NBPF11: variants seen among roughly 807,000 people sequenced by gnomAD.
NBPF11 encodes NBPF family member NBPF11.
NBPF11 carries 72 observed loss-of-function variants against 93.9 expected under a neutral mutation model. That is an observed-to-expected ratio of 0.77 (90% CI 0.63 to 0.93). NBPF11 has a LOEUF of 0.93. NBPF11 is among the 40% of genes least tolerant of loss of function. The probability of loss-of-function intolerance (pLI) is 0.00; values close to 1 mark genes in which losing one functional copy is unlikely to be tolerated. For synonymous variants in NBPF11, 224 were observed against 304.9 expected, an observed-to-expected ratio of 0.73 and a Z score of 2.76; for missense variants, 705 against 802.2, an observed-to-expected ratio of 0.88 and a Z score of 1.46.
Position 148,122,152 on chromosome 1 carries a change from G to C in NBPF11, c.681C>G (p.Ile227Met). The C allele has an allele frequency of 6.2e-7, 1 of 1,613,190 alleles. No individual in the cohort carries two copies. Among genetic ancestry groups the C allele is most frequent in the Non-Finnish European group, 8.5e-7 (1 of 1,179,526 alleles). ...PCDSIQPHKN[I>M]KITFEEDKVN... The stretch of plus-strand genomic sequence containing the variant: ...CTTTGTCTTCCTCAAATGTGATTTT[G>C]ATGTTCTTGTGAGGCTGGATGGAGT... Residue 227 changes from isoleucine (I) to methionine (M), a missense_variant, in exon 9 of 24, where the codon ATC becomes ATG. Coordinates refer to ENST00000682118, the MANE Select transcript of NBPF11 (RefSeq NM_001385469.3).
At chr1:148,138,782 T>C (rs1671743981) in intron 2 of NBPF11, among the ~76,000 whole-genome samples, 1 of 151,920 alleles carries the variant, frequency 6.6e-6, no homozygotes, top group Non-Finnish European at 1.5e-5. Context: ...AGTAACAATC[T>C]GATCTCTCTT....
chr1:148,108,748 G>C, intron 17 of NBPF11, 94 bp from the exon 18 acceptor site: 4 of 777,762 alleles, frequency 5.1e-6, no homozygotes, highest in Non-Finnish European at 9.1e-6. Context: ...GGAAGAGTTT[G>C]AAAAGAAAAA....
At chr1:148,109,143 A>G (rs1218439348) in intron 17 of NBPF11, 141 bp downstream of exon 17, 4 of 769,640 alleles carry the variant, frequency 5.2e-6, no homozygotes, top group African/African-American at 3.4e-5. Context: ...CTCTAATGAG[A>G]ACCAAAAAAC....
intron 21 of NBPF11, 124 bp from the exon 22 acceptor site, chr1:148,105,652 G>C: frequency 4.6e-6 from 3 of 646,684 alleles, no homozygotes; most frequent in Non-Finnish European, 8.2e-6. Flanking sequence ...CTATTAATGA[G>C]GTAACAAATT....
In NBPF11 at chr1:148,121,327, G is replaced by C. The variant is rs1185422377; in HGVS notation, c.779-617C>G. On this transcript the variant is annotated intron_variant, in intron 9 of 23. Coordinates refer to ENST00000682118, the MANE Select transcript of NBPF11 (RefSeq NM_001385469.3). ...TCAAAGTGCTGGGATTAAGATGTGAGCCAGCGTCCCTGGTCAGAGACTTTT... is the reference window on the plus strand; with the variant it reads ...TCAAAGTGCTGGGATTAAGATGTGACCCAGCGTCCCTGGTCAGAGACTTTT... 1.1e-3 allele frequency among the ~76,000 whole-genome samples: 160 copies of C among 150,696 alleles called. 5 individuals carry two copies. The highest frequency in any genetic ancestry group is 3.8e-3 in the African/African-American group (156 of 40,718).
chr1:148,137,249 G>A lies in NBPF11; in HGVS notation c.-178+462C>T, dbSNP rs1453302134. The stretch of plus-strand genomic sequence containing the variant: ...ATGAAGTCAGAGAAGGTGGGAGCTT[G>A]AGAAGGACTCCATAAGTTGTTATTG... On this transcript the variant is annotated intron_variant, in intron 3 of 23. Transcript: ENST00000682118. Among the ~76,000 whole-genome samples, 3 of 151,830 alleles carry A rather than the reference G, an allele frequency of 2.0e-5. No homozygotes were observed. The East Asian group carries it at 5.8e-4, about 29-fold the overall frequency.
chr1:148,115,672 T>A, intron 14 of NBPF11, 121 bp downstream of exon 14: 1 of 1,225,886 alleles, frequency 8.2e-7, no homozygotes, highest in South Asian at 1.4e-5. Context: ...CTCCCTGATA[T>A]CTGTTTAGAA....
chr1:148,141,259 G>C (rs1672118361), intron 2 of NBPF11, among the ~76,000 whole-genome samples: 1 of 152,006 alleles, frequency 6.6e-6, no homozygotes, highest in South Asian at 2.1e-4. Flanking sequence ...CCCATAATCT[G>C]TGAAACTCAA....
At chr1:148,146,516 C>T in intron 1 of NBPF11, 4 of 1,603,446 alleles carry the variant, frequency 2.5e-6, no homozygotes, top group Non-Finnish European at 3.4e-6. Context: ...GTGCCTGAGC[C>T]CGAGCTGGGG....
intron 1 of NBPF11, among the ~76,000 whole-genome samples, chr1:148,144,510 T>C (rs1672683620): frequency 6.6e-6 from 1 of 151,854 alleles, no homozygotes; most frequent in Non-Finnish European, 1.5e-5. Context: ...GTACTGAGAA[T>C]ACAGTGGTGA....
intron 22 of NBPF11, 152 bp from the exon 23 acceptor site, chr1:148,104,797 T>G: frequency 1.8e-6 from 1 of 559,112 alleles, no homozygotes; most frequent in Non-Finnish European, 3.1e-6. Context: ...TGAAGGCTGG[T>G]CGTGATAGAA....
At chr1:148,126,540 A>T (rs1355376577) in intron 5 of NBPF11, among the ~76,000 whole-genome samples, 1 of 152,016 alleles carries the variant, frequency 6.6e-6, no homozygotes, top group Non-Finnish European at 1.5e-5. Flanking sequence ...TATATGGTAC[A>T]GAGAGGATTC....
intron 4 of NBPF11, among the ~76,000 whole-genome samples, chr1:148,127,804 G>A (rs1405851291): frequency 7.1e-5 from 9 of 125,928 alleles, no homozygotes; most frequent in African/African-American, 1.5e-4. Flanking sequence ...CACCACGCCC[G>A]GCTAATTTTT....
At position 148,140,757 on chromosome 1, in the gene NBPF11, C is replaced by T. The variant is rs1422805714; in HGVS notation, c.-277+2658G>A. 4.0e-5 allele frequency among the ~76,000 whole-genome samples: 6 copies of T among 151,864 alleles called. 1 individual carries two copies. Among genetic ancestry groups the T allele is most frequent in the Non-Finnish European group, 8.8e-5 (6 of 68,006 alleles). On this transcript the variant is annotated intron_variant, in intron 2 of 23. Coordinates refer to ENST00000682118, the MANE Select transcript of NBPF11 (RefSeq NM_001385469.3). ...CACAAAACGGTGAACACACCAAATG[C>T]TGTCAAAGATCAGGAACAACCAGAA...
Position 148,122,238 on chromosome 1 carries a change from C to G in NBPF11, c.595G>C (p.Val199Leu). ...REVQKAEESK[V>L]PEDSLEECAI... ...CATTCCTCCAGTGAGTCCTCAGGGACTTTGCTCTCTTCAGCCTTCTGCACC... is the reference window on the plus strand; with the variant it reads ...CATTCCTCCAGTGAGTCCTCAGGGAGTTTGCTCTCTTCAGCCTTCTGCACC... The change falls in exon 9 of 24, where the codon GTC becomes CTC. Residue 199 changes from valine to leucine, a missense_variant. Val to Leu is a conservative substitution (Grantham distance 32). Around this residue, in one of 12 missense-constraint regions of NBPF11, gnomAD observed 262 missense variants for 223.1 expected, o/e 1.17. Transcript: ENST00000682118. 1 of 1,611,800 alleles carries G rather than the reference C, an allele frequency of 6.2e-7. No individual in the cohort carries two copies. Among genetic ancestry groups the G allele is most frequent in the Non-Finnish European group, 8.5e-7 (1 of 1,179,662 alleles).
chr1:148,118,386 A>C (rs1206348299), intron 11 of NBPF11, among the ~76,000 whole-genome samples: 10 of 151,672 alleles, frequency 6.6e-5, no homozygotes, highest in Admixed American at 2.0e-4. Context: ...TAAATTTCAC[A>C]TCAACAATTA....
At chr1:148,137,028 G>A (rs1371932217) in intron 3 of NBPF11, among the ~76,000 whole-genome samples, 15 of 151,994 alleles carry the variant, frequency 9.9e-5, no homozygotes, top group African/African-American at 3.6e-4. Context: ...TACTGTGGTA[G>A]ATGGAATTTC....
intron 6 of NBPF11, among the ~76,000 whole-genome samples, chr1:148,124,336 G>C (rs1347878784): frequency 6.6e-6 from 1 of 151,252 alleles, no homozygotes; most frequent in African/African-American, 2.4e-5. Flanking sequence ...TCCTAATTCC[G>C]TTTCAAAAAG....
rs1260785071 is a variant in NBPF11 at position 148,121,287 on chromosome 1, G to A, written c.779-577C>T. Among the ~76,000 whole-genome samples, 233 of 151,112 alleles carry A rather than the reference G, an allele frequency of 1.5e-3. 2 individuals carry two copies. The highest frequency in any genetic ancestry group is 5.2e-3 in the African/African-American group (214 of 40,908). ...TCGAACTCCTGAGCTCAGGTGTTCC[G>A]CCCACCTTGGCCTCTCAAAGTGCTG... is the stretch of plus-strand genomic sequence containing the variant. On this transcript the variant is annotated intron_variant, in intron 9 of 23. Transcript: ENST00000682118.
Sources: gnomAD v4.1 joint callset for allele counts (sites outside exome capture counted in the v4.1 genomes callset) on GRCh38, gnomAD v4.1.1 for gene constraint, gnomAD v4.1.1 regional missense constraint, MANE v1.5 for transcripts, NCBI Gene and HGNC (gene_info 2026-07-23, HGNC 2026-07-21) for gene names.